Variants in TTC21A observed in about 807,000 individuals in gnomAD.
TTC21A encodes the protein tetratricopeptide repeat protein 21A.
TTC21A carries 128 observed loss-of-function variants against 156.4 expected under a neutral mutation model. That is an observed-to-expected ratio of 0.82 (90% CI 0.71 to 0.95). The LOEUF is 0.95. TTC21A is among the 40% of genes least tolerant of loss of function. The probability of loss-of-function intolerance (pLI) is 0.00; values close to 1 mark genes in which losing one functional copy is unlikely to be tolerated. For missense variants in TTC21A, 1,435 were observed against 1,602.3 expected (o/e 0.90, Z 1.78); for synonymous variants, 587 against 617.1 (o/e 0.95, Z 0.72).
intron 13 of TTC21A, 55 bp downstream of exon 13, chr3:39,128,543 G>C (rs1271705051): frequency 6.2e-7 from 1 of 1,609,662 alleles, no homozygotes; most frequent in Non-Finnish European, 8.5e-7. Context: ...TGTGGCCCCT[G>C]TTTGCCTTCT....
At position 39,126,475 on chromosome 3, in the gene TTC21A, TACACACACACACAC is replaced by T. The variant is rs59925253; in HGVS notation, c.1522+118_1522+131del. 2,197 of 520,506 alleles carry T rather than the reference TACACACACACACAC, an allele frequency of 4.2e-3. 14 individuals carry two copies. Among genetic ancestry groups the T allele is most frequent in the East Asian group, 0.03 (719 of 23,630 alleles). The allele number at this position is 520,506 out of a possible 1,614,324, so 32.2% of individuals were successfully genotyped here. On this transcript the variant is annotated intron_variant, in intron 12 of 28. Coordinates refer to ENST00000683103, the MANE Select transcript of TTC21A (RefSeq NM_001366900.1). ...TCTGCAGGCTCCTTGCCTAGGATACTACACACACACACACACACACACACACACACACACACACA... is the reference window on the plus strand; with the variant it reads ...TCTGCAGGCTCCTTGCCTAGGATACTACACACACACACACACACACACACA...
At chr3:39,129,935 A>G (rs1411004918) in intron 15 of TTC21A, 144 bp from the exon 16 acceptor site, 1 of 899,344 alleles carries the variant, frequency 1.1e-6, no homozygotes, top group African/African-American at 1.6e-5. Context: ...ACAGTGCCTC[A>G]TTCACAGTGG....
rs2039106586 is a variant in TTC21A, at chr3:39,136,256, C to T, written c.2945-101C>T. 3.1e-6 allele frequency: 4 copies of T among 1,298,246 alleles called. No homozygotes were observed. In the Admixed American group the frequency reaches 8.5e-5, roughly 28 times the overall value. The allele number at this position is 1,298,246 out of a possible 1,614,324, so 80.4% of individuals were successfully genotyped here. A position where few individuals can be genotyped will look rare whatever the true frequency, so the allele number is the denominator to read the frequency against. Reference sequence around the variant, plus strand: ...GCTGTTGGAATGTCCCTGCTCAGCCCAGATGGGCAGTATCTCTTGGCTTCT... The same window carrying T: ...GCTGTTGGAATGTCCCTGCTCAGCCTAGATGGGCAGTATCTCTTGGCTTCT... On this transcript the variant is annotated intron_variant, in intron 22 of 28. Coordinates refer to ENST00000683103, the MANE Select transcript of TTC21A (RefSeq NM_001366900.1).
chr3:39,134,104 T>C lies in TTC21A; in HGVS notation c.2752-114T>C, dbSNP rs770624341. 1.4e-6 allele frequency: 1 copy of C among 734,524 alleles called. No individual in the cohort carries two copies. Among genetic ancestry groups the C allele is most frequent in the South Asian group, 1.6e-5 (1 of 63,900 alleles). 45.5% of individuals were successfully genotyped at this position (734,524 alleles called of 1,614,324 possible). A position where few individuals can be genotyped will look rare whatever the true frequency, so the allele number is the denominator to read the frequency against. On this transcript the variant is annotated intron_variant, in intron 20 of 28. Transcript: ENST00000683103. The surrounding 1 kb of genome is among the most constrained non-coding windows in gnomAD (Gnocchi z 4.6). ...GTTCACGTGGGGAATTCGAGACATATTTTGAAGGCAGAGCTGATAGAAGTG... is the reference window on the plus strand; with the variant it reads ...GTTCACGTGGGGAATTCGAGACATACTTTGAAGGCAGAGCTGATAGAAGTG...
intron 4 of TTC21A, among the ~76,000 whole-genome samples, chr3:39,112,098 G>T (rs555977290): frequency 6.6e-6 from 1 of 152,360 alleles, no homozygotes; most frequent in East Asian, 1.9e-4. Flanking sequence ...CCTGACCCCA[G>T]TGTAAACAGG....
At position 39,130,681 on chromosome 3, in the gene TTC21A, T is replaced by C. The variant is rs376620732; in HGVS notation, c.2320-20T>C. The C allele has an allele frequency of 3.3e-5, 54 of 1,613,734 alleles. No homozygotes were observed. The highest frequency in any genetic ancestry group is 3.3e-4 in the Middle Eastern group (2 of 6,084). ...AGGGCAGAACCAGGCCAGAGGCTAA[T>C]ATTTACTGTTTGCACTAAGGCAATT... On this transcript the variant is annotated intron_variant, in intron 17 of 28. Transcript: ENST00000683103. This position sits in a 1 kb window ranked among gnomAD's most constrained non-coding sequence, Gnocchi z 4.5.
rs1423327569 is a variant in TTC21A, at chr3:39,109,207, C to T, written c.150C>T (p.Leu50=). The T allele has an allele frequency of 6.2e-7, 1 of 1,613,408 alleles. No individual in the cohort carries two copies. The highest frequency in any genetic ancestry group is 2.2e-5 in the East Asian group (1 of 44,866). Reference sequence around the variant, plus strand: ...AGTTCTTTAAAGCCTATGGAGTCCTCAAAGAAGGTAAGGACTTGGCAGTGT... The same window carrying T: ...AGTTCTTTAAAGCCTATGGAGTCCTTAAAGAAGGTAAGGACTTGGCAGTGT... The part of the protein sequence containing the change: ...VLKFFKAYGV[L]KEEHIQDAIS... The change falls in exon 2 of 29, where the codon CTC becomes CTT. Residue 50 remains leucine (L), a synonymous_variant. Transcript: ENST00000683103.
At chr3:39,135,362 G>A (rs971900025) in intron 22 of TTC21A, among the ~76,000 whole-genome samples, 188 bp downstream of exon 22, 5 of 152,156 alleles carry the variant, frequency 3.3e-5, no homozygotes, top group Admixed American at 6.5e-5. Context: ...GAGTCCAAGG[G>A]GCCAGTTCCT....
At chr3:39,121,576 T>C (rs553560269) in intron 9 of TTC21A, among the ~76,000 whole-genome samples, 1 of 152,334 alleles carries the variant, frequency 6.6e-6, no homozygotes, top group African/African-American at 2.4e-5. Flanking sequence ...CTGTAGACCC[T>C]CCTTCAGGGC....
intron 5 of TTC21A, among the ~76,000 whole-genome samples, chr3:39,113,047 T>A (rs1465010303): frequency 6.6e-6 from 1 of 152,172 alleles, no homozygotes. Context: ...TTTTCTCTTG[T>A]GAACCTCATG....
At chr3:39,111,079 G>A (rs2036786227) in intron 4 of TTC21A, 62 bp downstream of exon 4, 1 of 1,525,752 alleles carries the variant, frequency 6.6e-7, no homozygotes, top group Non-Finnish European at 8.8e-7. Context: ...ATAATAGCAG[G>A]GTGGCCCTCA....
At chr3:39,126,142 T>C in intron 11 of TTC21A, 119 bp from the exon 12 acceptor site, 1 of 1,270,236 alleles carries the variant, frequency 7.9e-7, no homozygotes, top group South Asian at 1.4e-5. Flanking sequence ...ATACAGAGGA[T>C]AATAAATAAG....
At chr3:39,119,710 G>A (rs2037594866) in intron 7 of TTC21A, 2 of 402,146 alleles carry the variant, frequency 5.0e-6, no homozygotes, top group African/African-American at 2.1e-5. Context: ...GGTGAATAAT[G>A]TCCCCAGGAG....
At chr3:39,120,816 G>A (rs1483692084) in intron 8 of TTC21A, among the ~76,000 whole-genome samples, 181 bp from the exon 9 acceptor site, 1 of 152,240 alleles carries the variant, frequency 6.6e-6, no homozygotes, top group Non-Finnish European at 1.5e-5. Context: ...GTTGTGGCCA[G>A]TGAGAGGTTC....
chr3:39,131,195 C>T, intron 19 of TTC21A, 100 bp downstream of exon 19: 1 of 945,490 alleles, frequency 1.1e-6, no homozygotes, highest in Non-Finnish European at 1.6e-6. Context: ...CCCCAGACCT[C>T]TTCCTTAAAA....
intron 11 of TTC21A, 87 bp from the exon 12 acceptor site, chr3:39,126,174 T>C (rs2038218640): frequency 1.3e-6 from 2 of 1,541,730 alleles, no homozygotes; most frequent in Non-Finnish European, 1.8e-6. Flanking sequence ...GCAAAATTCC[T>C]TCACTGAGAG....
chr3:39,119,519 C>G (rs1252027447), intron 7 of TTC21A: 2 of 155,194 alleles, frequency 1.3e-5, no homozygotes, highest in African/African-American at 4.9e-5. Flanking sequence ...ACTGTGGACA[C>G]AGTGAGGGCT....
In TTC21A at chr3:39,138,792, G is replaced by A; in HGVS notation, c.*4G>A. 1 of 1,613,474 alleles carries A rather than the reference G, an allele frequency of 6.2e-7. No homozygotes were observed. Among genetic ancestry groups the A allele is most frequent in the South Asian group, 1.1e-5 (1 of 91,020 alleles). ...CCGAAGGTCCCTGAGGCCCTAGCTGGGGTCAAGGGGCCTGGACCAGTAGAA... is the reference window on the plus strand; with the variant it reads ...CCGAAGGTCCCTGAGGCCCTAGCTGAGGTCAAGGGGCCTGGACCAGTAGAA... On this transcript the variant is annotated 3_prime_UTR_variant, in exon 29 of 29. Transcript: ENST00000683103.
At chr3:39,113,417 G>T (rs1364783111) in intron 5 of TTC21A, among the ~76,000 whole-genome samples, 3 of 152,200 alleles carry the variant, frequency 2.0e-5, no homozygotes, top group Non-Finnish European at 2.9e-5. Context: ...TACTCTTTGG[G>T]GAACTCTGGA....
Sources: allele counts gnomAD v4.1 joint callset (sites outside exome capture counted in the v4.1 genomes callset), GRCh38; gene constraint gnomAD v4.1.1; non-coding constraint Gnocchi (gnomAD v3.1); transcripts MANE v1.5; gene names NCBI Gene and HGNC (gene_info 2026-07-23, HGNC 2026-07-21).